ASB2: variants seen among roughly 807,000 people sequenced by gnomAD.
ASB2 encodes ankyrin repeat and SOCS box protein 2.
Under a neutral mutation model 62.4 loss-of-function variants are expected in ASB2, and 58 were observed. That is an observed-to-expected ratio of 0.93 (90% CI 0.75 to 1.16). ASB2 has a LOEUF of 1.16. ASB2 is among the 50% of genes most tolerant of loss of function. The pLI, the probability that ASB2 is intolerant of heterozygous loss-of-function variation, is 0.00. For missense variants in ASB2, 928 were observed against 887.9 expected (o/e 1.05, Z -0.57); for synonymous variants, 386 against 385.3 (o/e 1.00, Z -0.02).
chr14:93,964,737 C>T, intron 1 of ASB2, 125 bp from the exon 2 acceptor site: 1 of 616,268 alleles, frequency 1.6e-6, no homozygotes, highest in Non-Finnish European at 2.9e-6. Flanking sequence ...TCATTGGTCA[C>T]ATGACCCACC....
In ASB2 at chr14:93,951,188, T is replaced by C. The variant is rs1227680662; in HGVS notation, c.691A>G (p.Thr231Ala). Residue 231 changes from threonine (T) to alanine (A), a missense_variant, in exon 6 of 10, where the codon ACC (threonine) becomes GCC (alanine). Coordinates refer to ENST00000555019, the MANE Select transcript of ASB2 (RefSeq NM_001202429.2). ...CAGCCGCGGTTGCAGCGGTGGTTGG[T>C]GTCTGCATTGTGCTGCACCAGAATC... Reference protein sequence around the residue: ...VKILVQHNADTNHRCNRGWTA... With the variant: ...VKILVQHNADANHRCNRGWTA... 1 of 1,613,424 alleles carries C rather than the reference T, an allele frequency of 6.2e-7. No individual in the cohort carries two copies. Among genetic ancestry groups the C allele is most frequent in the South Asian group, 1.1e-5 (1 of 91,070 alleles).
In ASB2 at chr14:93,975,784, C is replaced by T. The variant is rs916420575; in HGVS notation, c.-74+650G>A. Among the ~76,000 whole-genome samples, 5 of 152,256 alleles carry T rather than the reference C, an allele frequency of 3.3e-5. No individual in the cohort carries two copies. In the South Asian group the frequency reaches 1.0e-3, roughly 31 times the overall value. ...GGAGGTCTCTGTTTCCACCCTGAGG[C>T]ATCCCACCCATCCTTTCAAAGGCCA... On this transcript the variant is annotated intron_variant, in intron 1 of 9. Transcript: ENST00000555019.
Position 93,939,442 on chromosome 14 carries a change from T to G in ASB2, c.1283A>C (p.Glu428Ala). The G allele has an allele frequency of 6.2e-7, 1 of 1,612,594 alleles. No individual in the cohort carries two copies. Among genetic ancestry groups the G allele is most frequent in the Non-Finnish European group, 8.5e-7 (1 of 1,179,802 alleles). Residue 428 changes from glutamate (E) to alanine (A), a missense_variant, in exon 8 of 10, where the codon GAG (glutamate) becomes GCG (alanine). By Grantham distance (107) the Glu-to-Ala change is moderately radical (BLOSUM62 -1). Coordinates refer to ENST00000555019, the MANE Select transcript of ASB2 (RefSeq NM_001202429.2). ...AVVNNNVYAT[E>A]LLLQHGADPN... ...GTCGGCGCCGTGTTGCAGCAGCAGC[T>G]CGGTGGCGTACACGTTGTTGTTGAC...
At chr14:93,962,209 G>A (rs1889436303) in intron 2 of ASB2, among the ~76,000 whole-genome samples, 1 of 43,096 alleles carries the variant, frequency 2.3e-5, no homozygotes, top group Non-Finnish European at 4.7e-5. Flanking sequence ...CCGCCTCCCG[G>A]GTTCACACCA....
At position 93,957,137 on chromosome 14, in the gene ASB2, C is replaced by T. The variant is rs964834110; in HGVS notation, c.207-267G>A. 4 of 1,355,026 alleles carry T rather than the reference C, an allele frequency of 3.0e-6. No individual in the cohort carries two copies. In the African/African-American group the frequency reaches 4.5e-5, roughly 15 times the overall value. The allele number at this position is 1,355,026 out of a possible 1,614,324, so 83.9% of individuals were successfully genotyped here. On this transcript the variant is annotated intron_variant, in intron 2 of 9. Coordinates refer to ENST00000555019, the MANE Select transcript of ASB2 (RefSeq NM_001202429.2). ...CAATGAGGTTAACCTCACCCCACCC[C>T]CCGGTCCCCCTCCCCAGCCAACCAC...
chr14:93,967,018 A>G (rs1465059569), intron 1 of ASB2, among the ~76,000 whole-genome samples: 1 of 152,164 alleles, frequency 6.6e-6, no homozygotes, highest in Non-Finnish European at 1.5e-5. Context: ...AGTTTTATTT[A>G]TTGTGAAAGG....
At chr14:93,954,093 A>C (rs1464385541) in intron 4 of ASB2, 1 of 563,918 alleles carries the variant, frequency 1.8e-6, no homozygotes, top group African/African-American at 1.9e-5. Context: ...CTTTTCTAGG[A>C]ATTAGGCTCT....
At chr14:93,945,381 G>A (rs1454395734) in intron 7 of ASB2, among the ~76,000 whole-genome samples, 4 of 152,202 alleles carry the variant, frequency 2.6e-5, no homozygotes, top group African/African-American at 7.2e-5. Context: ...TGTCTGAACC[G>A]CTCAATCATG....
rs1043592981 is a variant in ASB2, at chr14:93,934,200, C to T, written c.*456G>A. ...TAACATTTATTATATTAATACTTAA[C>T]AAAGCCCTCCAAGACCCAGGCTCCC... On this transcript the variant is annotated 3_prime_UTR_variant, in exon 10 of 10. Coordinates refer to ENST00000555019, the MANE Select transcript of ASB2 (RefSeq NM_001202429.2). 1.3e-5 allele frequency: 6 copies of T among 455,880 alleles called. No individual in the cohort carries two copies. The highest frequency in any genetic ancestry group is 2.6e-5 in the Non-Finnish European group (6 of 226,894). The allele number at this position is 455,880 out of a possible 1,614,324, so 28.2% of individuals were successfully genotyped here. A position where few individuals can be genotyped will look rare whatever the true frequency, so the allele number is the denominator to read the frequency against.
At chr14:93,967,449 G>C (rs910239411) in intron 1 of ASB2, among the ~76,000 whole-genome samples, 3 of 152,230 alleles carry the variant, frequency 2.0e-5, no homozygotes, top group African/African-American at 7.2e-5. Flanking sequence ...CCCAGGACCT[G>C]GCCTGGCATC....
intron 1 of ASB2, 69 bp from the exon 2 acceptor site, chr14:93,964,681 A>G (rs1889529126): frequency 1.4e-6 from 1 of 730,382 alleles, no homozygotes; most frequent in African/African-American, 1.7e-5. Context: ...CCCTCAGGGA[A>G]GGGTATGCAT....
At chr14:93,953,703 C>A (rs1186453720) in intron 4 of ASB2, among the ~76,000 whole-genome samples, 196 bp from the exon 5 acceptor site, 1 of 152,226 alleles carries the variant, frequency 6.6e-6, no homozygotes, top group Non-Finnish European at 1.5e-5. Flanking sequence ...AGCTCAGATG[C>A]CACGTCCTCT....
chr14:93,975,998 T>C (rs1482447876), intron 1 of ASB2, among the ~76,000 whole-genome samples: 1 of 152,212 alleles, frequency 6.6e-6, no homozygotes, highest in African/African-American at 2.4e-5. Flanking sequence ...ATACCGTGCA[T>C]GCCTAGGCAC....
chr14:93,960,968 T>TAAATAAATAAA (rs1159565091), intron 2 of ASB2, among the ~76,000 whole-genome samples: 1 of 151,182 alleles, frequency 6.6e-6, no homozygotes, highest in Non-Finnish European at 1.5e-5. Flanking sequence ...AATAAATAAA[T>TAAATAAATAAA]AAATAAATAA....
At chr14:93,947,923 G>C (rs1888798857) in intron 6 of ASB2, among the ~76,000 whole-genome samples, 1 of 148,412 alleles carries the variant, frequency 6.7e-6, no homozygotes, top group African/African-American at 2.5e-5. Context: ...GAACCCAGGA[G>C]GTGGAGGTTG....
chr14:93,968,099 G>A (rs893209027), intron 1 of ASB2, among the ~76,000 whole-genome samples: 3 of 152,192 alleles, frequency 2.0e-5, no homozygotes, highest in African/African-American at 7.2e-5. Flanking sequence ...CTCATAGACA[G>A]CACATGGCTG....
intron 1 of ASB2, among the ~76,000 whole-genome samples, chr14:93,974,755 G>A (rs1471761822): frequency 6.6e-6 from 1 of 152,218 alleles, no homozygotes; most frequent in East Asian, 1.9e-4. Context: ...CTGAAAATGG[G>A]AGTAACGATC....
intron 9 of ASB2, 124 bp downstream of exon 9, chr14:93,937,574 G>C: frequency 2.1e-6 from 2 of 962,610 alleles, no homozygotes; most frequent in Non-Finnish European, 3.0e-6. Context: ...TTCATCCAAG[G>C]AGTTACAGAG....
At chr14:93,956,634 A>G (rs1889219270) in intron 3 of ASB2, 132 bp downstream of exon 3, 2 of 1,214,060 alleles carry the variant, frequency 1.6e-6, no homozygotes, top group African/African-American at 1.5e-5. Context: ...CCCTAGAAGG[A>G]GCGTGCCTGG....
Sources: allele counts gnomAD v4.1 joint callset (sites outside exome capture counted in the v4.1 genomes callset), GRCh38; gene constraint gnomAD v4.1.1; transcripts MANE v1.5; gene names NCBI Gene and HGNC (gene_info 2026-07-23, HGNC 2026-07-21).